UBE2D3: variants seen among roughly 807,000 people sequenced by gnomAD.
The protein encoded by UBE2D3 is ubiquitin conjugating enzyme E2 D3.
A neutral mutation model predicts 22.8 loss-of-function variants in UBE2D3; 2 were observed. That is an observed-to-expected ratio of 0.09 (90% confidence interval 0.04 to 0.28). The LOEUF is 0.28. Ranked by LOEUF, UBE2D3 falls within the 10% of genes least tolerant of loss-of-function variation. The pLI, the probability that UBE2D3 is intolerant of heterozygous loss-of-function variation, is 1.00. For missense variants in UBE2D3, 27 were observed against 182.5 expected (o/e 0.15, Z 4.91); for synonymous variants, 56 against 60.4 (o/e 0.93, Z 0.34).
At chr4:102,826,727 T>A in intron 1 of UBE2D3, 91 bp from the exon 2 acceptor site, 2 of 1,423,648 alleles carry the variant, frequency 1.4e-6, no homozygotes, top group Middle Eastern at 5.2e-4. Context: ...CGATCCGGGG[T>A]GGGTGGGGTG....
chr4:102,801,365 C>A (rs1726129201), intron 6 of UBE2D3, 89 bp downstream of exon 6: 7 of 1,125,926 alleles, frequency 6.2e-6, no homozygotes, highest in African/African-American at 1.6e-5. Context: ...TACCAAAAAG[C>A]TGCCATAATA....
At chr4:102,836,819 T>C (rs940273203) in intron 1 of UBE2D3, among the ~76,000 whole-genome samples, 1 of 152,274 alleles carries the variant, frequency 6.6e-6, no homozygotes, top group East Asian at 1.9e-4. Context: ...TCTTCTTTGC[T>C]GAAATGCCTG....
At chr4:102,848,575 G>T (rs1304472282) in intron 1 of UBE2D3, among the ~76,000 whole-genome samples, 1 of 151,502 alleles carries the variant, frequency 6.6e-6, no homozygotes, top group Non-Finnish European at 1.5e-5. Context: ...AACCTGGGAG[G>T]CGGAGGATGC....
rs769974872 is a variant in UBE2D3, at chr4:102,799,399, ATACT to A, written c.398+4_398+7del. ...ACCACTTTTATAATAACTTTTTAAC[ATACT>A]TACTTATCTCTGTCTGTTTTATAGA... On this transcript the variant is annotated splice_donor_5th_base_variant and intron_variant, in intron 7 of 7. Transcript: ENST00000453744. 9.4e-5 allele frequency: 151 copies of A among 1,608,414 alleles called. No individual in the cohort carries two copies. Among genetic ancestry groups the A allele is most frequent in the Middle Eastern group, 3.4e-4 (2 of 5,934 alleles).
intron 4 of UBE2D3, among the ~76,000 whole-genome samples, chr4:102,806,421 G>T (rs1032843673): frequency 6.6e-6 from 1 of 151,670 alleles, no homozygotes; most frequent in African/African-American, 2.4e-5. Flanking sequence ...AGACTACAAA[G>T]CTCCTCAACG....
chr4:102,865,645 G>A (rs1314973503), intron 1 of UBE2D3, among the ~76,000 whole-genome samples: 3 of 152,182 alleles, frequency 2.0e-5, no homozygotes, highest in African/African-American at 4.8e-5. Flanking sequence ...GATGTCAAGA[G>A]CAGACTAGTA....
chr4:102,827,799 G>C, upstream of UBE2D3: 1 of 986,452 alleles, frequency 1.0e-6, no homozygotes, highest in Non-Finnish European at 1.2e-6. Flanking sequence ...TCATGAGCTG[G>C]GGGGAGGGTG....
At chr4:102,852,969 T>C (rs1732435822) in intron 1 of UBE2D3, among the ~76,000 whole-genome samples, 1 of 152,036 alleles carries the variant, frequency 6.6e-6, no homozygotes. Flanking sequence ...GAGAAATGCA[T>C]AGTAAAATTT....
At chr4:102,820,505 G>A (rs772400081) in intron 2 of UBE2D3, among the ~76,000 whole-genome samples, 4 of 152,112 alleles carry the variant, frequency 2.6e-5, no homozygotes, top group South Asian at 2.1e-4. Flanking sequence ...CTGTTTAGTC[G>A]TAATTATAGG....
intron 2 of UBE2D3, among the ~76,000 whole-genome samples, chr4:102,823,986 T>C (rs1355017752): frequency 1.3e-5 from 2 of 152,196 alleles, no homozygotes; most frequent in Non-Finnish European, 1.5e-5. Flanking sequence ...CTTGACCCCA[T>C]ATTTCTAGAA....
chr4:102,814,457 C>CTTT (rs574701413), intron 2 of UBE2D3, among the ~76,000 whole-genome samples: 116 of 118,896 alleles, frequency 9.8e-4, no homozygotes, highest in East Asian at 1.7e-3. Context: ...CCTGGCTATT[C>CTTT]TTTTTTTTTT....
chr4:102,856,140 C>T (rs1477258690), intron 1 of UBE2D3, among the ~76,000 whole-genome samples: 1 of 152,088 alleles, frequency 6.6e-6, no homozygotes, highest in Non-Finnish European at 1.5e-5. Context: ...CCTAGGCAGG[C>T]AAATCACTTA....
At chr4:102,849,207 A>C (rs1385548168) in intron 1 of UBE2D3, among the ~76,000 whole-genome samples, 1 of 150,956 alleles carries the variant, frequency 6.6e-6, no homozygotes, top group African/African-American at 2.4e-5. Context: ...ACTTCTACAA[A>C]AAAAAAACTA....
chr4:102,851,789 C>T (rs191560882), intron 1 of UBE2D3, among the ~76,000 whole-genome samples: 80 of 152,010 alleles, frequency 5.3e-4, no homozygotes, highest in African/African-American at 1.8e-3. Context: ...GTCTCAGCCT[C>T]CCAAGTAGCT....
chr4:102,859,997 C>A (rs1732805014), intron 1 of UBE2D3, among the ~76,000 whole-genome samples: 1 of 151,952 alleles, frequency 6.6e-6, no homozygotes, highest in African/African-American at 2.4e-5. Flanking sequence ...AGGCACCCAC[C>A]ACCACTCCTG....
intron 4 of UBE2D3, among the ~76,000 whole-genome samples, chr4:102,803,211 G>C (rs922010038): frequency 3.3e-5 from 5 of 152,216 alleles, no homozygotes; most frequent in African/African-American, 1.2e-4. Context: ...TTAGTCTAGT[G>C]TACAAATGGT....
At chr4:102,798,891 CCAT>C (rs1725670309) in intron 7 of UBE2D3, 1 of 1,604,882 alleles carries the variant, frequency 6.2e-7, no homozygotes, top group African/African-American at 1.3e-5. Flanking sequence ...GCTGGCAGTA[CCAT>C]AATAAGCGCA....
chr4:102,837,672 C>T (rs1731484046), intron 1 of UBE2D3, among the ~76,000 whole-genome samples: 1 of 152,018 alleles, frequency 6.6e-6, no homozygotes, highest in Non-Finnish European at 1.5e-5. Flanking sequence ...AATTTTTCGG[C>T]TGGGCGCAGT....
chr4:102,805,461 C>T (rs1173814132), intron 4 of UBE2D3, among the ~76,000 whole-genome samples: 1 of 151,662 alleles, frequency 6.6e-6, no homozygotes, highest in Non-Finnish European at 1.5e-5. Context: ...CTCACAGTGC[C>T]TCAGCTCTTC....
Sources: gnomAD v4.1 joint callset for allele counts (sites outside exome capture counted in the v4.1 genomes callset) on GRCh38, gnomAD v4.1.1 for gene constraint, MANE v1.5 for transcripts, NCBI Gene and HGNC (gene_info 2026-07-23, HGNC 2026-07-21) for gene names.